The following COA1 variants were observed in gnomAD, a reference collection of about 807,000 sequenced individuals.
COA1 encodes the protein cytochrome c oxidase assembly factor 1, also known as cytochrome c oxidase assembly factor 1 homolog.
In COA1, 13 loss-of-function variants were observed where a neutral mutation model predicts 16.0. The observed-to-expected ratio is 0.81, with a 90% CI of 0.53 to 1.29. The LOEUF (loss-of-function observed/expected upper bound fraction) is 1.29, where lower values mean the gene tolerates loss of function less well. COA1 is among the 50% of genes most tolerant of loss of function. The pLI is 0.00. For missense variants in COA1, 179 were observed against 177.0 expected (o/e 1.01, Z -0.06); for synonymous variants, 65 against 65.7 (o/e 0.99, Z 0.05).
intron 1 of COA1, among the ~76,000 whole-genome samples, chr7:43,664,290 G>T (rs2092730746): frequency 6.6e-6 from 1 of 152,010 alleles, no homozygotes; most frequent in East Asian, 1.9e-4. Context: ...TCCATTATTT[G>T]TCTTTTTGTT....
intron 1 of COA1, among the ~76,000 whole-genome samples, chr7:43,671,238 A>G (rs2093240374): frequency 1.3e-5 from 2 of 152,204 alleles, no homozygotes; most frequent in African/African-American, 2.4e-5. Flanking sequence ...GTTCCTTGAT[A>G]TAACACCAAA....
chr7:43,701,346 A>T (rs1255110767), intron 1 of COA1, among the ~76,000 whole-genome samples: 1 of 152,120 alleles, frequency 6.6e-6, no homozygotes, highest in African/African-American at 2.4e-5. Context: ...GCTCTCACTT[A>T]TAAGTGAGAA....
chr7:43,697,415 C>T lies in COA1; in HGVS notation c.-39+32014G>A, dbSNP rs1205081469. ...CAAGTGATTCTCCTGTCTCAGCCTCCCGAGTAGCTGGGACTACAGGGGCAT... is the reference window on the plus strand; with the variant it reads ...CAAGTGATTCTCCTGTCTCAGCCTCTCGAGTAGCTGGGACTACAGGGGCAT... On this transcript the variant is annotated intron_variant, in intron 1 of 5. Coordinates refer to ENST00000223336, the MANE Select transcript of COA1 (RefSeq NM_018224.4). Among the ~76,000 whole-genome samples the T allele has an allele frequency of 9.2e-5, 14 of 151,902 alleles. 1 individual carries two copies. The highest frequency in any genetic ancestry group is 9.2e-4 in the Admixed American group (14 of 15,254).
chr7:43,696,697 ATATGTG>A (rs771447810), intron 1 of COA1, among the ~76,000 whole-genome samples: 5 of 147,028 alleles, frequency 3.4e-5, no homozygotes, highest in Non-Finnish European at 7.7e-5. Flanking sequence ...TGATATATAC[ATATGTG>A]TGTGTATATA....
At chr7:43,676,118 G>C (rs2093506236) in intron 1 of COA1, among the ~76,000 whole-genome samples, 1 of 152,050 alleles carries the variant, frequency 6.6e-6, no homozygotes, top group African/African-American at 2.4e-5. Context: ...TAAAATGTTA[G>C]CAGCATACCA....
intron 1 of COA1, among the ~76,000 whole-genome samples, chr7:43,682,702 T>A (rs777052848): frequency 6.0e-4 from 92 of 152,270 alleles, no homozygotes; most frequent in Non-Finnish European, 7.9e-4. Context: ...AAACACAGAA[T>A]TTGTCATTCT....
intron 1 of COA1, among the ~76,000 whole-genome samples, chr7:43,664,103 A>AAGAGAGAGAGAAAGAGAGAGAGAG: frequency 7.4e-6 from 1 of 135,232 alleles, no homozygotes; most frequent in African/African-American, 3.0e-5. Context: ...TGTCTTTAGA[A>AAGAGAGAGAGAAAGAGAGAGAGAG]AGAGAGAGAG....
chr7:43,726,143 G>A (rs2095612261), intron 1 of COA1, among the ~76,000 whole-genome samples: 1 of 152,028 alleles, frequency 6.6e-6, no homozygotes, highest in South Asian at 2.1e-4. Context: ...TGAACAAGAG[G>A]ATAAAAGAAT....
At chr7:43,691,419 GAA>G (rs1219980031) in intron 1 of COA1, among the ~76,000 whole-genome samples, 3,457 of 81,960 alleles carry the variant, frequency 0.042, 214 homozygotes, top group African/African-American at 0.098. Flanking sequence ...AAGGAAGAAA[GAA>G]AAAGAAAGAA....
chr7:43,703,773 A>ATAGT (rs372268821), intron 1 of COA1, among the ~76,000 whole-genome samples: 197 of 152,334 alleles, frequency 1.3e-3, no homozygotes, highest in African/African-American at 4.5e-3. Context: ...AAAACAGCAT[A>ATAGT]TAGTTGGGTC....
At chr7:43,690,306 G>A (rs910710882) in intron 1 of COA1, among the ~76,000 whole-genome samples, 3 of 152,124 alleles carry the variant, frequency 2.0e-5, no homozygotes, top group Non-Finnish European at 2.9e-5. Context: ...CACAAACATA[G>A]TTTATATTAT....
chr7:43,659,758 T>C (rs925471889), intron 1 of COA1, among the ~76,000 whole-genome samples: 1 of 152,158 alleles, frequency 6.6e-6, no homozygotes, highest in African/African-American at 2.4e-5. Flanking sequence ...TCCACTCCCC[T>C]GCCTGTTTTA....
intron 2 of COA1, 43 bp downstream of exon 2, chr7:43,648,557 G>C: frequency 1.2e-6 from 2 of 1,604,958 alleles, no homozygotes; most frequent in African/African-American, 1.3e-5. Context: ...AGAATACCCT[G>C]GCAGGTTCTA....
chr7:43,684,638 G>A (rs1057127814), intron 1 of COA1, among the ~76,000 whole-genome samples: 1 of 152,130 alleles, frequency 6.6e-6, no homozygotes, highest in Non-Finnish European at 1.5e-5. Context: ...GCTATAAAGA[G>A]CAAGGGGTTG....
intron 1 of COA1, among the ~76,000 whole-genome samples, chr7:43,684,452 G>A (rs771476194): frequency 6.6e-6 from 1 of 152,128 alleles, no homozygotes; most frequent in Non-Finnish European, 1.5e-5. Context: ...GCAGCACAGA[G>A]ATCCAAAAGC....
intron 6 of COA1, among the ~76,000 whole-genome samples, chr7:43,610,496 T>C (rs1298645579): frequency 1.3e-5 from 2 of 151,262 alleles, no homozygotes; most frequent in Non-Finnish European, 2.9e-5. Flanking sequence ...TGAAATCCCA[T>C]GTCTACTAAA....
At chr7:43,714,590 T>C (rs1407426753) in intron 1 of COA1, among the ~76,000 whole-genome samples, 2 of 150,242 alleles carry the variant, frequency 1.3e-5, no homozygotes, top group East Asian at 2.0e-4. Flanking sequence ...GATAGTGCCA[T>C]TGCACTCCAG....
intron 6 of COA1, among the ~76,000 whole-genome samples, chr7:43,621,250 T>C (rs1293041034): frequency 2.0e-5 from 3 of 152,188 alleles, no homozygotes; most frequent in African/African-American, 7.2e-5. Context: ...GCCAGAATAC[T>C]TAATTTTCAG....
At chr7:43,667,249 T>TCCA (rs1452863262) in intron 1 of COA1, among the ~76,000 whole-genome samples, 1 of 152,210 alleles carries the variant, frequency 6.6e-6, no homozygotes, top group Non-Finnish European at 1.5e-5. Flanking sequence ...AAATCAAACT[T>TCCA]CAAGTTTCAA....
Sources: gnomAD v4.1 joint callset for allele counts (sites outside exome capture counted in the v4.1 genomes callset) on GRCh38, gnomAD v4.1.1 for gene constraint, MANE v1.5 for transcripts, NCBI Gene and HGNC (gene_info 2026-07-23, HGNC 2026-07-21) for gene names.